RRAS2: variants seen among roughly 807,000 people sequenced by gnomAD.
The protein encoded by RRAS2 is ras-related protein R-Ras2.
In RRAS2, 7 loss-of-function variants were observed where a neutral mutation model predicts 27.6. The observed-to-expected ratio is 0.25, with a 90% CI of 0.14 to 0.48. The LOEUF is 0.48. Among genes scored for constraint, RRAS2 ranks in the 20% least tolerant of loss-of-function variants. The pLI, the probability that RRAS2 is intolerant of heterozygous loss-of-function variation, is 0.99. For missense variants in RRAS2, 178 were observed against 256.2 expected (o/e 0.69, Z 2.08); for synonymous variants, 86 against 90.9 (o/e 0.95, Z 0.31).
At chr11:14,357,882 A>T (rs879960108) in intron 1 of RRAS2, among the ~76,000 whole-genome samples, 3 of 152,210 alleles carry the variant, frequency 2.0e-5, no homozygotes, top group Non-Finnish European at 4.4e-5. Context: ...CCCAAAAAAG[A>T]CTACTCAAAC....
intron 4 of RRAS2, among the ~76,000 whole-genome samples, chr11:14,283,314 T>C (rs1325613929): frequency 6.6e-6 from 1 of 152,216 alleles, no homozygotes; most frequent in Non-Finnish European, 1.5e-5. Flanking sequence ...TAAATTCTAT[T>C]TAATATTTTA....
intron 1 of RRAS2, among the ~76,000 whole-genome samples, chr11:14,319,332 A>C (rs1278875681): frequency 7.0e-6 from 1 of 142,934 alleles, no homozygotes; most frequent in African/African-American, 2.5e-5. Context: ...TTAACTATTC[A>C]GGTTCCCTCT....
At chr11:14,325,415 C>A (rs1554950870) in intron 1 of RRAS2, among the ~76,000 whole-genome samples, 1 of 151,414 alleles carries the variant, frequency 6.6e-6, no homozygotes, top group East Asian at 2.0e-4. Context: ...GGGTTCATGC[C>A]ATTCTCCTGC....
chr11:14,303,585 GA>G (rs1222673843), intron 1 of RRAS2, among the ~76,000 whole-genome samples: 5 of 152,222 alleles, frequency 3.3e-5, no homozygotes, highest in East Asian at 3.9e-4. Context: ...AAAAAGGGGG[GA>G]AAAAAGTTTA....
chr11:14,348,741 AT>A (rs1554954399), intron 1 of RRAS2, among the ~76,000 whole-genome samples: 1 of 152,026 alleles, frequency 6.6e-6, no homozygotes, highest in African/African-American at 2.4e-5. Context: ...CATATTTTGT[AT>A]TTTTTCCTTC....
At chr11:14,310,984 A>C (rs1554948793) in intron 1 of RRAS2, among the ~76,000 whole-genome samples, 2 of 152,212 alleles carry the variant, frequency 1.3e-5, no homozygotes, top group African/African-American at 4.8e-5. Context: ...GTGCATACAC[A>C]CTGCTTCTGA....
In RRAS2 at chr11:14,318,785, T is replaced by A. The variant is rs1360465933; in HGVS notation, c.109-22930A>T. 2.6e-5 allele frequency among the ~76,000 whole-genome samples: 4 copies of A among 152,332 alleles called. No homozygotes were observed. The East Asian group carries it at 7.7e-4, about 29-fold the overall frequency. On this transcript the variant is annotated intron_variant, in intron 1 of 5. Transcript: ENST00000256196. Reference sequence around the variant, plus strand: ...TTTGTACATTCTTTCAGTCCCCACTTTGGACTATTGAAAAGTAAATATAAA... The same window carrying A: ...TTTGTACATTCTTTCAGTCCCCACTATGGACTATTGAAAAGTAAATATAAA...
At chr11:14,287,603 G>A (rs1235439615) in intron 4 of RRAS2, among the ~76,000 whole-genome samples, 3 of 152,182 alleles carry the variant, frequency 2.0e-5, no homozygotes, top group African/African-American at 4.8e-5. Context: ...CAGGCATGGT[G>A]GCTCATGCCT....
chr11:14,323,920 G>C (rs967979609), intron 1 of RRAS2, among the ~76,000 whole-genome samples: 1 of 149,722 alleles, frequency 6.7e-6, no homozygotes, highest in Non-Finnish European at 1.5e-5. Context: ...CATATGAACA[G>C]ACTAAAGAAA....
intron 4 of RRAS2, among the ~76,000 whole-genome samples, chr11:14,285,234 C>G (rs1554944888): frequency 2.0e-5 from 3 of 152,044 alleles, no homozygotes; most frequent in Non-Finnish European, 4.4e-5. Flanking sequence ...GATACCATAC[C>G]AATTCAAGTA....
At position 14,278,942 on chromosome 11, in the gene RRAS2, T is replaced by C. The variant is rs117024862; in HGVS notation, c.*395A>G. On this transcript the variant is annotated 3_prime_UTR_variant, in exon 6 of 6. Transcript: ENST00000256196. ...CAAAAATTCACATTAAAAAAAACCC[T>C]ATATTTCTATTTAGAGTAACAGTAG... The C allele has an allele frequency of 0.029, 4,713 of 161,086 alleles. 103 individuals carry two copies. Among genetic ancestry groups the C allele is most frequent in the Non-Finnish European group, 0.044 (3,217 of 72,858 alleles). The allele number at this position is 161,086 out of a possible 1,614,324, so 10.0% of individuals were successfully genotyped here.
Position 14,358,652 on chromosome 11 carries a change from C to G in RRAS2, c.108+111G>C, listed in dbSNP as rs1288915785. The G allele has an allele frequency of 1.4e-5, 14 of 980,092 alleles. No homozygotes were observed. The highest frequency in any genetic ancestry group is 1.5e-5 in the Non-Finnish European group (12 of 823,818). The allele number at this position is 980,092 out of a possible 1,614,324, so 60.7% of individuals were successfully genotyped here. ...GCCCTCCCGCCCCCTGGCCCCGGCC[C>G]GGGCCCGCGAGGCGCCTCTGGGGCG... On this transcript the variant is annotated intron_variant, in intron 1 of 5. Coordinates refer to ENST00000256196, the MANE Select transcript of RRAS2 (RefSeq NM_012250.6). The surrounding 1 kb of genome is among the most constrained non-coding windows in gnomAD (Gnocchi z 5.1).
intron 1 of RRAS2, among the ~76,000 whole-genome samples, chr11:14,327,992 G>GA (rs1381592768): frequency 3.3e-5 from 5 of 151,682 alleles, no homozygotes; most frequent in East Asian, 3.8e-4. Context: ...CTTCATTAGA[G>GA]AAAAAAAAGT....
intron 1 of RRAS2, among the ~76,000 whole-genome samples, chr11:14,307,700 TA>T (rs1327341427): frequency 0.01 from 1,548 of 148,482 alleles, 25 homozygotes; most frequent in African/African-American, 0.036. Context: ...TGCGACAGTT[TA>T]AAAAAAAAAA....
At chr11:14,360,899 C>A (rs368541336), upstream of RRAS2, among the ~76,000 whole-genome samples, 1 of 143,568 alleles carries the variant, frequency 7.0e-6, no homozygotes, top group Non-Finnish European at 1.5e-5. Flanking sequence ...CACGCCTGGG[C>A]GACAATGCGG....
At chr11:14,311,777 T>G (rs1313574316) in intron 1 of RRAS2, among the ~76,000 whole-genome samples, 1 of 152,184 alleles carries the variant, frequency 6.6e-6, no homozygotes, top group Non-Finnish European at 1.5e-5. Context: ...TAGCCATGAA[T>G]GAAGGAAATT....
In RRAS2 at chr11:14,304,817, CCTT is replaced by C. The variant is rs1486574004; in HGVS notation, c.109-8965_109-8963del. On this transcript the variant is annotated intron_variant, in intron 1 of 5. Transcript: ENST00000256196. ...AGCTGTGAGCCAGAGCTGGGCTCCTCCTTGTGTCACTTTTTAGCAGCAGCTGTC... is the reference window on the plus strand; with the variant it reads ...AGCTGTGAGCCAGAGCTGGGCTCCTCGTGTCACTTTTTAGCAGCAGCTGTC... Among the ~76,000 whole-genome samples the C allele has an allele frequency of 7.2e-5, 11 of 152,290 alleles. 1 individual carries two copies. In the East Asian group the frequency reaches 2.1e-3, roughly 29 times the overall value.
intron 1 of RRAS2, among the ~76,000 whole-genome samples, chr11:14,302,191 T>G (rs1210588383): frequency 1.3e-5 from 2 of 151,674 alleles, no homozygotes; most frequent in Non-Finnish European, 2.9e-5. Context: ...ACCCCCACAC[T>G]ACACACAGAT....
At chr11:14,286,540 C>A (rs1350822484) in intron 4 of RRAS2, among the ~76,000 whole-genome samples, 1 of 152,108 alleles carries the variant, frequency 6.6e-6, no homozygotes, top group Non-Finnish European at 1.5e-5. Flanking sequence ...TATTCCTAGC[C>A]CTGTTTGAGC....
Sources: gnomAD v4.1 joint callset for allele counts (sites outside exome capture counted in the v4.1 genomes callset) on GRCh38, gnomAD v4.1.1 for gene constraint, Gnocchi (gnomAD v3.1) non-coding constraint, MANE v1.5 for transcripts, NCBI Gene and HGNC (gene_info 2026-07-23, HGNC 2026-07-21) for gene names.